Variants in ZNF844 observed in about 807,000 individuals in gnomAD.
The protein encoded by ZNF844 is zinc finger protein 844.
Under a neutral mutation model 11.4 loss-of-function variants are expected in ZNF844, and 11 were observed. The ratio of observed to expected loss-of-function variants is 0.97; its 90% CI spans 0.61 to 1.60. ZNF844 has a LOEUF of 1.60. ZNF844 is among the 40% of genes most tolerant of loss of function. The pLI is 0.00. For missense variants in ZNF844, 790 were observed against 796.8 expected, an observed-to-expected ratio of 0.99 and a Z score of 0.10; for synonymous variants, 248 against 260.3, an observed-to-expected ratio of 0.95 and a Z score of 0.46.
At chr19:12,074,886 G>A (rs1173277766) in intron 3 of ZNF844, among the ~76,000 whole-genome samples, 1 of 152,168 alleles carries the variant, frequency 6.6e-6, no homozygotes, top group Non-Finnish European at 1.5e-5. Context: ...TTGTAAAATA[G>A]TCTACATGGA....
chr19:12,066,530 C>CTTTTTTT (rs80186949), intron 1 of ZNF844, among the ~76,000 whole-genome samples: 461 of 92,308 alleles, frequency 5.0e-3, no homozygotes, highest in East Asian at 7.8e-3. Context: ...TAAATGTCTT[C>CTTTTTTT]TTTTTTTTTT....
chr19:12,075,552 A>G lies in ZNF844; in HGVS notation c.432A>G (p.Gln144=). Residue 144 remains glutamine (Q), a synonymous_variant, in exon 4 of 4, where the codon CAA becomes CAG. Coordinates refer to ENST00000439326, the MANE Select transcript of ZNF844 (RefSeq NM_001136501.3). The stretch of plus-strand genomic sequence containing the variant: ...ATGGACAGGAGCCATATAAGTGTCA[A>G]CAACGTAAGAAAGCCTTCAGATGTC... ...QEYGQEPYKC[Q]QRKKAFRCHP... is the part of the protein sequence containing the mutation. 1.2e-6 allele frequency: 2 copies of G among 1,614,126 alleles called. No homozygotes were observed. Among genetic ancestry groups the G allele is most frequent in the African/African-American group, 2.7e-5 (2 of 75,058 alleles).
chr19:12,066,884 T>C (rs1352811435), intron 1 of ZNF844, among the ~76,000 whole-genome samples: 1 of 152,026 alleles, frequency 6.6e-6, no homozygotes, highest in African/African-American at 2.4e-5. Flanking sequence ...AGCCTAGGAG[T>C]AATTAAGGCA....
rs754992769 is a variant in ZNF844 at position 12,076,652 on chromosome 19, A to G, written c.1532A>G (p.Lys511Arg). The change falls in exon 4 of 4, where the codon AAG (lysine) becomes AGG (arginine). Residue 511 changes from lysine (K) to arginine (R), a missense_variant. Around this residue, in one of 3 missense-constraint regions of ZNF844, gnomAD observed 657 missense variants for 636.2 expected, o/e 1.03. Transcript: ENST00000439326. ...CCTATGAGTGTAAGCAATGTGGGAA[A>G]GCCTTCACATCTGCCTCACACCTTC... ...RNPMSVSNVG[K>R]PSHLPHTFKC... The G allele has an allele frequency of 5.6e-5, 90 of 1,613,996 alleles. No homozygotes were observed. Among genetic ancestry groups the G allele is most frequent in the Middle Eastern group, 1.6e-4 (1 of 6,084 alleles).
chr19:12,073,367 G>A (rs962707950), intron 1 of ZNF844, among the ~76,000 whole-genome samples: 2 of 151,982 alleles, frequency 1.3e-5, no homozygotes, highest in African/African-American at 4.8e-5. Flanking sequence ...CCATGTTGAG[G>A]CTGGTCTCGA....
chr19:12,073,608 C>T (rs1368345282), intron 1 of ZNF844, among the ~76,000 whole-genome samples: 1 of 152,004 alleles, frequency 6.6e-6, no homozygotes, highest in African/African-American at 2.4e-5. Context: ...TAAAATCCCC[C>T]TTCCAGGTAA....
rs1330726190 is a variant in ZNF844 at position 12,076,593 on chromosome 19, C to A, written c.1473C>A (p.Phe491Leu). 2.5e-6 allele frequency: 4 copies of A among 1,611,490 alleles called. No individual in the cohort carries two copies. The highest frequency in any genetic ancestry group is 1.3e-5 in the African/African-American group (1 of 74,778). ...VVKPSFFPLPFDIMKGLTLER... is the reference protein window; with the variant it reads ...VVKPSFFPLPLDIMKGLTLER... ...AGCCTTCATTTTTTCCACTTCCTTT[C>A]GATATCATGAAAGGACTCACACTGG... Residue 491 changes from phenylalanine to leucine, a missense_variant, in exon 4 of 4, where the codon TTC (phenylalanine) becomes TTA (leucine). By Grantham distance (22) the Phe-to-Leu change is conservative. This residue lies in a region of ZNF844 where 657 missense variants were observed against 636.2 expected (regional missense o/e 1.03). Transcript: ENST00000439326.
intron 1 of ZNF844, among the ~76,000 whole-genome samples, chr19:12,068,401 G>A (rs1975716269): frequency 6.6e-6 from 1 of 152,236 alleles, no homozygotes. Context: ...GCTGAGGCGG[G>A]CAGATCATGA....
rs1312933494 is a variant in ZNF844, at chr19:12,079,377, T to C, written c.*2256T>C. ...GAGAAATCCTATTATAAGAAATTGA[T>C]TGCTGTGCACGGTAGCTTACCTGTA... On this transcript the variant is annotated 3_prime_UTR_variant, in exon 4 of 4. Coordinates refer to ENST00000439326, the MANE Select transcript of ZNF844 (RefSeq NM_001136501.3). 7 of 152,066 alleles carry C rather than the reference T, an allele frequency of 4.6e-5. No individual in the cohort carries two copies. The highest frequency in any genetic ancestry group is 1.0e-4 in the Non-Finnish European group (7 of 67,990). 9.4% of individuals were successfully genotyped at this position (152,066 alleles called of 1,614,324 possible).
chr19:12,067,936 GAAA>G (rs1975708708), intron 1 of ZNF844, among the ~76,000 whole-genome samples: 1 of 131,868 alleles, frequency 7.6e-6, no homozygotes, highest in Admixed American at 7.6e-5. Context: ...AAGAAAGAAA[GAAA>G]GAAAGAAGGA....
At position 12,074,081 on chromosome 19, in the gene ZNF844, G is replaced by A. The variant is rs374005836; in HGVS notation, c.54G>A (p.Trp18Ter). Residue 18 changes from tryptophan to a stop codon, truncating the protein, a stop_gained, in exon 2 of 4, where the codon TGG becomes TGA. Transcript: ENST00000439326. LOFTEE classifies it high-confidence loss of function. ...DVAVNFTQEE[W>*]SLLDPSQKNL... is the part of the protein sequence containing the mutation. Reference sequence around the variant, plus strand: ...CTGTGAACTTCACCCAGGAGGAGTGGTCTTTGCTGGATCCTTCCCAGAAGA... The same window carrying A: ...CTGTGAACTTCACCCAGGAGGAGTGATCTTTGCTGGATCCTTCCCAGAAGA... 14 of 1,613,674 alleles carry A rather than the reference G, an allele frequency of 8.7e-6. No individual in the cohort carries two copies. The African/African-American group carries it at 1.7e-4, about 20-fold the overall frequency.
chr19:12,072,538 C>T (rs930087983), intron 1 of ZNF844, among the ~76,000 whole-genome samples: 2 of 151,892 alleles, frequency 1.3e-5, no homozygotes, highest in Non-Finnish European at 2.9e-5. Context: ...AATTTCTCAA[C>T]GTTTTTTCCA....
chr19:12,064,824 C>T lies in ZNF844; in HGVS notation c.-50C>T, dbSNP rs545912414. The T allele has an allele frequency of 4.2e-5, 65 of 1,546,510 alleles. No individual in the cohort carries two copies. In the South Asian group the frequency reaches 4.5e-4, roughly 11 times the overall value. On this transcript the variant is annotated 5_prime_UTR_variant, in exon 1 of 4. Transcript: ENST00000439326. The stretch of plus-strand genomic sequence containing the variant: ...CACCGCCATACTTCTGTCGCCCTGT[C>T]GTCTGTGTTGTGACTGCTTTGGACG...
chr19:12,077,330 TTTCAGTTCCA>T lies in ZNF844; in HGVS notation c.*216_*225del. 2 of 966,228 alleles carry T rather than the reference TTTCAGTTCCA, an allele frequency of 2.1e-6. No homozygotes were observed. Among genetic ancestry groups the T allele is most frequent in the Non-Finnish European group, 3.3e-6 (2 of 597,830 alleles). 59.9% of individuals were successfully genotyped at this position (966,228 alleles called of 1,614,324 possible). ...AGCAATGTGGAAAAGCCTTTATTTC[TTTCAGTTCCA>T]TTCAGTACCATGAAAGGACTCACAC... On this transcript the variant is annotated 3_prime_UTR_variant, in exon 4 of 4. Transcript: ENST00000439326.
At chr19:12,066,549 T>TG (rs1277419603) in intron 1 of ZNF844, among the ~76,000 whole-genome samples, 20 of 142,368 alleles carry the variant, frequency 1.4e-4, no homozygotes, top group African/African-American at 4.3e-4. Context: ...TTTTTTTTTT[T>TG]TTTTTGTTGT....
intron 1 of ZNF844, among the ~76,000 whole-genome samples, chr19:12,073,569 G>A (rs1432506841): frequency 7.1e-6 from 1 of 141,548 alleles, no homozygotes; most frequent in Non-Finnish European, 1.5e-5. Context: ...TTTTTTTTTT[G>A]CTTTTGTTGT....
At chr19:12,070,801 A>G (rs563349384) in intron 1 of ZNF844, among the ~76,000 whole-genome samples, 2 of 152,296 alleles carry the variant, frequency 1.3e-5, no homozygotes, top group East Asian at 1.9e-4. Context: ...AAGAAATTGA[A>G]CTCAACCTGA....
intron 1 of ZNF844, among the ~76,000 whole-genome samples, chr19:12,072,684 A>G (rs1975764422): frequency 6.6e-6 from 1 of 152,014 alleles, no homozygotes; most frequent in African/African-American, 2.4e-5. Flanking sequence ...CCCAGCTTCA[A>G]GCAATTCTCT....
chr19:12,076,794 C>A lies in ZNF844; in HGVS notation c.1674C>A (p.Asn558Lys). Residue 558 changes from asparagine to lysine, a missense_variant, in exon 4 of 4, where the codon AAC becomes AAA. Transcript: ENST00000439326. ...TGAAAAGACACACCCTGGAGAGAAACCCTATAAGGAATATGGAAAAGCATT... is the reference window on the plus strand; with the variant it reads ...TGAAAAGACACACCCTGGAGAGAAAACCTATAAGGAATATGGAAAAGCATT... ...KFMKRHTLER[N>K]PIRNMEKHST... The A allele has an allele frequency of 6.4e-7, 1 of 1,569,424 alleles. No homozygotes were observed. Among genetic ancestry groups the A allele is most frequent in the Non-Finnish European group, 8.6e-7 (1 of 1,156,280 alleles).
Sources: gnomAD v4.1 joint callset for allele counts (sites outside exome capture counted in the v4.1 genomes callset) on GRCh38, gnomAD v4.1.1 for gene constraint, gnomAD v4.1.1 regional missense constraint, MANE v1.5 for transcripts, NCBI Gene and HGNC (gene_info 2026-07-23, HGNC 2026-07-21) for gene names.